HERC3: variants seen among roughly 807,000 people sequenced by gnomAD.
HERC3 encodes probable E3 ubiquitin-protein ligase HERC3.
In HERC3, 58 loss-of-function variants were observed where a neutral mutation model predicts 129.9. That is an observed-to-expected ratio of 0.45 (90% CI 0.36 to 0.56). HERC3 has a LOEUF of 0.56. Ranked by LOEUF, HERC3 falls within the 20% of genes least tolerant of loss-of-function variation. HERC3 has a pLI of 0.00. For missense variants in HERC3, 835 were observed against 1,244.2 expected, an observed-to-expected ratio of 0.67 and a Z score of 4.95; for synonymous variants, 430 against 451.0, an observed-to-expected ratio of 0.95 and a Z score of 0.59.
chr4:88,572,267 G>T, the HERC3 span, among the ~76,000 whole-genome samples: 1 of 151,904 alleles, frequency 6.6e-6, no homozygotes, highest in Non-Finnish European at 1.5e-5. Context: ...CCAAAAAAGT[G>T]TATTCTTTTA....
chr4:88,583,628 T>C, the HERC3 span: 1 of 152,152 alleles, frequency 6.6e-6, no homozygotes, highest in Non-Finnish European at 1.5e-5. Context: ...ATGCTTTCTG[T>C]GAAACTGATA....
chr4:88,701,439 A>G (rs537752243), intron 23 of HERC3, among the ~76,000 whole-genome samples: 2 of 152,330 alleles, frequency 1.3e-5, no homozygotes, highest in Admixed American at 1.3e-4. Flanking sequence ...AGGAAACCCA[A>G]TAATTCAAAT....
intron 12 of HERC3, among the ~76,000 whole-genome samples, chr4:88,665,033 A>G (rs1235083193): frequency 6.6e-6 from 1 of 152,180 alleles, no homozygotes; most frequent in African/African-American, 2.4e-5. Context: ...ACCAGGCTAT[A>G]TGAGATCTCA....
At chr4:88,684,004 A>G (rs1733108788) in intron 21 of HERC3, among the ~76,000 whole-genome samples, 1 of 152,234 alleles carries the variant, frequency 6.6e-6, no homozygotes, top group East Asian at 1.9e-4. Flanking sequence ...TTCCATGCTC[A>G]TGGATAGGAA....
the HERC3 span, chr4:88,524,788 A>C: frequency 6.6e-6 from 1 of 152,182 alleles, no homozygotes; most frequent in African/African-American, 2.4e-5. Context: ...GAAGACTCAA[A>C]GATTCTCATT....
rs375981883 is a variant in HERC3, at chr4:88,704,284, A to G, written c.2841+3A>G. The G allele has an allele frequency of 3.1e-6, 5 of 1,613,750 alleles. No homozygotes were observed. The highest frequency in any genetic ancestry group is 4.2e-6 in the Non-Finnish European group (5 of 1,179,818). The stretch of plus-strand genomic sequence containing the variant: ...ACAACTGGGAAGAACTGGAAGAGGT[A>G]AGCACAAAAGATCCTTTAACTCCTT... On this transcript the variant is annotated splice_donor_region_variant and intron_variant, in intron 24 of 25. Coordinates refer to ENST00000402738, the MANE Select transcript of HERC3 (RefSeq NM_014606.3).
At chr4:88,598,975 A>G (rs1283751984) in intron 2 of HERC3, among the ~76,000 whole-genome samples, 3 of 152,184 alleles carry the variant, frequency 2.0e-5, no homozygotes, top group Non-Finnish European at 4.4e-5. Context: ...GTGTAGTCCT[A>G]TATTTTGCAG....
chr4:88,577,990 C>T, the HERC3 span, among the ~76,000 whole-genome samples: 10 of 152,240 alleles, frequency 6.6e-5, no homozygotes, highest in South Asian at 2.1e-3. Flanking sequence ...AAGATTCATT[C>T]CTTCAGCCAA....
chr4:88,686,724 T>C lies in HERC3; in HGVS notation c.2508-12T>C, dbSNP rs773489417. ...ACTTGCCACTTTTCCTTTTCTGTCA[T>C]TCTATGATTAGGAGTCTCCAAGAGC... On this transcript the variant is annotated splice_polypyrimidine_tract_variant and intron_variant, in intron 21 of 25. Coordinates refer to ENST00000402738, the MANE Select transcript of HERC3 (RefSeq NM_014606.3). 1.3e-6 allele frequency: 2 copies of C among 1,591,960 alleles called. No individual in the cohort carries two copies. The highest frequency in any genetic ancestry group is 1.7e-6 in the Non-Finnish European group (2 of 1,160,290).
intron 23 of HERC3, 112 bp from the exon 24 acceptor site, chr4:88,703,986 G>A: frequency 2.0e-6 from 2 of 988,120 alleles, no homozygotes; most frequent in Admixed American, 2.1e-5. Flanking sequence ...CTCCTGATTT[G>A]AGAATTTGAT....
At chr4:88,636,592 C>T (rs1578213150) in intron 3 of HERC3, among the ~76,000 whole-genome samples, 1 of 152,110 alleles carries the variant, frequency 6.6e-6, no homozygotes, top group African/African-American at 2.4e-5. Flanking sequence ...ACGAGACAGA[C>T]AATTAACAAG....
At chr4:88,663,189 A>G (rs989828889) in intron 11 of HERC3, among the ~76,000 whole-genome samples, 1 of 152,168 alleles carries the variant, frequency 6.6e-6, no homozygotes, top group Non-Finnish European at 1.5e-5. Flanking sequence ...CCAGAAACGT[A>G]CATAATGGTT....
chr4:88,532,311 T>C, the HERC3 span, among the ~76,000 whole-genome samples: 2 of 152,148 alleles, frequency 1.3e-5, no homozygotes, highest in African/African-American at 4.8e-5. Flanking sequence ...GCTGGTGATA[T>C]AACTCAGTCC....
intron 2 of HERC3, among the ~76,000 whole-genome samples, chr4:88,603,194 A>G (rs1192696705): frequency 6.7e-6 from 1 of 149,914 alleles, no homozygotes; most frequent in Non-Finnish European, 1.5e-5. Flanking sequence ...ACAGGCTTCA[A>G]TCGCTTTCTC....
intron 3 of HERC3, among the ~76,000 whole-genome samples, chr4:88,610,650 A>G (rs1376302153): frequency 6.6e-6 from 1 of 152,024 alleles, no homozygotes; most frequent in Non-Finnish European, 1.5e-5. Context: ...AGGCAGCCTC[A>G]CTGCAGAGTC....
intron 2 of HERC3, 61 bp downstream of exon 2, chr4:88,595,675 G>C (rs1722285452): frequency 6.6e-6 from 1 of 151,914 alleles, no homozygotes; most frequent in African/African-American, 2.4e-5. Flanking sequence ...TCCTTTACAT[G>C]CATTATCCTG....
the HERC3 span, among the ~76,000 whole-genome samples, chr4:88,533,818 A>G: frequency 2.0e-5 from 3 of 152,214 alleles, no homozygotes; most frequent in African/African-American, 7.2e-5. Context: ...TAAAATCCCA[A>G]TAATAAAACT....
At chr4:88,613,965 TTTCTGTCTGA>T (rs1190929080) in intron 3 of HERC3, among the ~76,000 whole-genome samples, 1 of 151,920 alleles carries the variant, frequency 6.6e-6, no homozygotes, top group Non-Finnish European at 1.5e-5. Flanking sequence ...CGGAATTTTT[TTTCTGTCTGA>T]TACTCAGCCT....
chr4:88,622,243 TG>T (rs1474019980), intron 3 of HERC3, among the ~76,000 whole-genome samples: 1 of 152,262 alleles, frequency 6.6e-6, no homozygotes, highest in South Asian at 2.1e-4. Context: ...ATACGATATG[TG>T]GTCTTCTGTG....
Sources: gnomAD v4.1 joint callset for allele counts (sites outside exome capture counted in the v4.1 genomes callset) on GRCh38, gnomAD v4.1.1 for gene constraint, MANE v1.5 for transcripts, NCBI Gene and HGNC (gene_info 2026-07-23, HGNC 2026-07-21) for gene names.